DPP10: variants seen among roughly 807,000 people sequenced by gnomAD.
DPP10 encodes inactive dipeptidyl peptidase 10.
Under a neutral mutation model 120.9 loss-of-function variants are expected in DPP10, and 33 were observed. The observed-to-expected ratio is 0.27, with a 90% CI of 0.21 to 0.37. DPP10 has a LOEUF of 0.37. Ranked by LOEUF, DPP10 falls within the 10% of genes least tolerant of loss-of-function variation. The pLI is 1.00. For synonymous variants in DPP10, 337 were observed against 326.1 expected, an observed-to-expected ratio of 1.03 and a Z score of -0.36; for missense variants, 816 against 942.8, an observed-to-expected ratio of 0.87 and a Z score of 1.76.
intron 1 of DPP10, among the ~76,000 whole-genome samples, chr2:114,866,044 G>A (rs1020801660): frequency 1.3e-5 from 2 of 151,822 alleles, no homozygotes; most frequent in Non-Finnish European, 1.5e-5. Flanking sequence ...CCTGGGGGGC[G>A]GAGGTTGCAG....
chr2:115,120,966 G>A (rs2049793102), intron 1 of DPP10, among the ~76,000 whole-genome samples: 1 of 152,220 alleles, frequency 6.6e-6, no homozygotes, highest in African/African-American at 2.4e-5. Flanking sequence ...CGAAGAGGGA[G>A]AAGATAAGGA....
rs1553491113 is a variant in DPP10 at position 115,113,184 on chromosome 2, C to CT, written c.61-196055_61-196054insT. On this transcript the variant is annotated intron_variant, in intron 1 of 25. Transcript: ENST00000410059. ...ACATATATAAAATATATAACACATA[C>CT]AATATATGCTGTATTTTGGTGTTTG... Among the ~76,000 whole-genome samples the CT allele has an allele frequency of 5.3e-5, 8 of 151,754 alleles. No individual in the cohort carries two copies. In the East Asian group the frequency reaches 1.4e-3, roughly 26 times the overall value.
Position 114,442,818 on chromosome 2 carries a change from C to G in DPP10, c.40C>G (p.Gln14Glu), listed in dbSNP as rs773345172. 29 of 1,613,416 alleles carry G rather than the reference C, an allele frequency of 1.8e-5. No homozygotes were observed. The highest frequency in any genetic ancestry group is 2.5e-5 in the Non-Finnish European group (29 of 1,179,544). ...TASVSHHIKC[Q>E]PSKTIKELGS... ...CAGCGTGTCCCATCACATCAAGTGT[C>G]AACCCTCAAAAACAATCAAGGTAGG... is the stretch of plus-strand genomic sequence containing the variant. The change falls in exon 1 of 26, where the codon CAA becomes GAA. Residue 14 changes from glutamine (Q) to glutamate (E), a missense_variant. Gln to Glu is a conservative substitution (Grantham distance 29). Coordinates refer to ENST00000410059, the MANE Select transcript of DPP10 (RefSeq NM_020868.6).
At chr2:114,500,489 G>A (rs1290617453) in intron 1 of DPP10, among the ~76,000 whole-genome samples, 1 of 152,206 alleles carries the variant, frequency 6.6e-6, no homozygotes, top group Non-Finnish European at 1.5e-5. Context: ...TTATACCAAA[G>A]TGTTAGATCA....
intron 1 of DPP10, among the ~76,000 whole-genome samples, chr2:114,942,341 GTATATATACATA>G (rs1351072647): frequency 7.1e-4 from 40 of 55,946 alleles, no homozygotes; most frequent in Non-Finnish European, 6.2e-4. Flanking sequence ...ATATATATAC[GTATATATACATA>G]TATATATACA....
intron 5 of DPP10, among the ~76,000 whole-genome samples, chr2:115,668,673 G>A (rs760363922): frequency 6.6e-6 from 1 of 152,190 alleles, no homozygotes; most frequent in African/African-American, 2.4e-5. Context: ...CTGTCAGGTA[G>A]TTTCTCTCGA....
intron 1 of DPP10, among the ~76,000 whole-genome samples, chr2:115,281,478 A>G (rs1481773752): frequency 6.6e-6 from 1 of 152,156 alleles, no homozygotes; most frequent in African/African-American, 2.4e-5. Flanking sequence ...TGCATGACTG[A>G]TGCTGGTTTG....
chr2:114,548,475 C>T (rs1006134534), intron 1 of DPP10, among the ~76,000 whole-genome samples: 4 of 152,134 alleles, frequency 2.6e-5, no homozygotes, highest in East Asian at 1.9e-4. Context: ...CCTCCTTACT[C>T]GTCTTTGAGA....
At chr2:115,147,876 A>G (rs2051318319) in intron 1 of DPP10, among the ~76,000 whole-genome samples, 1 of 151,998 alleles carries the variant, frequency 6.6e-6, no homozygotes, top group Admixed American at 6.6e-5. Flanking sequence ...GTACAAATTT[A>G]GAGACTTTAG....
intron 1 of DPP10, among the ~76,000 whole-genome samples, chr2:115,136,429 C>T (rs529733818): frequency 6.6e-6 from 1 of 152,202 alleles, no homozygotes; most frequent in South Asian, 2.1e-4. Flanking sequence ...ATTTACAGGT[C>T]GCATCAACTG....
At chr2:115,836,097 G>A (rs1689467028) in intron 21 of DPP10, 60 bp from the exon 22 acceptor site, 1 of 802,772 alleles carries the variant, frequency 1.2e-6, no homozygotes. Flanking sequence ...TTGTGTGTGT[G>A]TATGTGTGTG....
At chr2:114,496,165 G>T (rs1682500619) in intron 1 of DPP10, among the ~76,000 whole-genome samples, 1 of 152,172 alleles carries the variant, frequency 6.6e-6, no homozygotes, top group Non-Finnish European at 1.5e-5. Context: ...TGGGGTGGGA[G>T]TGGGGCAGGG....
At chr2:114,539,092 C>T (rs369387541) in intron 1 of DPP10, among the ~76,000 whole-genome samples, 1 of 151,290 alleles carries the variant, frequency 6.6e-6, no homozygotes, top group African/African-American at 2.4e-5. Flanking sequence ...ACATAGCAGA[C>T]AAAGTGATGT....
At position 115,445,658 on chromosome 2, in the gene DPP10, C is replaced by T. The variant is rs141605624; in HGVS notation, c.272-53852C>T. 4.7e-4 allele frequency among the ~76,000 whole-genome samples: 71 copies of T among 152,188 alleles called. 2 individuals carry two copies. In the East Asian group the frequency reaches 0.013, roughly 28 times the overall value. Reference sequence around the variant, plus strand: ...TCTGGTGGAAGAAATTTCTAAGCGGCAAAGCATTCAAGAGGTGACAGAGCA... The same window carrying T: ...TCTGGTGGAAGAAATTTCTAAGCGGTAAAGCATTCAAGAGGTGACAGAGCA... On this transcript the variant is annotated intron_variant, in intron 3 of 25. Coordinates refer to ENST00000410059, the MANE Select transcript of DPP10 (RefSeq NM_020868.6).
intron 21 of DPP10, among the ~76,000 whole-genome samples, chr2:115,821,141 T>A (rs1423936615): frequency 6.6e-6 from 1 of 152,122 alleles, no homozygotes; most frequent in Non-Finnish European, 1.5e-5. Context: ...ATCAAACATA[T>A]CCATTTTGAT....
chr2:114,877,443 A>G (rs1458847334), intron 1 of DPP10, among the ~76,000 whole-genome samples: 2 of 152,060 alleles, frequency 1.3e-5, no homozygotes, highest in East Asian at 1.9e-4. Context: ...AGCAGAAAAC[A>G]TAGATACTTG....
chr2:114,604,574 A>G (rs944728199), intron 1 of DPP10, among the ~76,000 whole-genome samples: 3 of 152,084 alleles, frequency 2.0e-5, no homozygotes, highest in Non-Finnish European at 4.4e-5. Context: ...CACGCTGTGT[A>G]TGACCTCATT....
chr2:115,800,274 A>G (rs1185933347), intron 19 of DPP10, among the ~76,000 whole-genome samples: 1 of 151,052 alleles, frequency 6.6e-6, no homozygotes, highest in Non-Finnish European at 1.5e-5. Flanking sequence ...CCACTTTTTG[A>G]TGGGGTTGTT....
intron 1 of DPP10, among the ~76,000 whole-genome samples, chr2:114,623,710 A>G (rs1434826977): frequency 6.6e-6 from 1 of 152,134 alleles, no homozygotes; most frequent in East Asian, 1.9e-4. Context: ...AAGTCAAACA[A>G]AGTATAAATC....
Sources: gnomAD v4.1 joint callset for allele counts (sites outside exome capture counted in the v4.1 genomes callset) on GRCh38, gnomAD v4.1.1 for gene constraint, MANE v1.5 for transcripts, NCBI Gene and HGNC (gene_info 2026-07-23, HGNC 2026-07-21) for gene names.